ADGRB3: variants seen among roughly 807,000 people sequenced by gnomAD.
The protein encoded by ADGRB3 is adhesion G protein-coupled receptor B3, also known as brain-specific angiogenesis inhibitor 3.
In ADGRB3, 37 loss-of-function variants were observed where a neutral mutation model predicts 193.4. That is an observed-to-expected ratio of 0.19 (90% CI 0.15 to 0.25). The LOEUF (loss-of-function observed/expected upper bound fraction) is 0.25, where lower values mean the gene tolerates loss of function less well. Among genes scored for constraint, ADGRB3 ranks in the 10% least tolerant of loss-of-function variants. The pLI is 1.00. For synonymous variants in ADGRB3, 690 were observed against 644.2 expected, an observed-to-expected ratio of 1.07 and a Z score of -1.08; for missense variants, 1,637 against 1,852.9, an observed-to-expected ratio of 0.88 and a Z score of 2.14.
At chr6:69,029,611 C>G (rs888988078) in intron 13 of ADGRB3, among the ~76,000 whole-genome samples, 1 of 152,096 alleles carries the variant, frequency 6.6e-6, no homozygotes, top group South Asian at 2.1e-4. Flanking sequence ...GGAGGAAAAG[C>G]TGACTTCTGC....
At chr6:69,382,094 G>T (rs1247033331) in intron 30 of ADGRB3, among the ~76,000 whole-genome samples, 1 of 151,824 alleles carries the variant, frequency 6.6e-6, no homozygotes, top group Admixed American at 6.6e-5. Context: ...GTTGAGTTAT[G>T]GTGAAGTTGA....
At chr6:68,772,888 AAAAAAAATATATATATATAT>A (rs1313431847) in intron 3 of ADGRB3, among the ~76,000 whole-genome samples, 13 of 51,936 alleles carry the variant, frequency 2.5e-4, no homozygotes, top group African/African-American at 3.1e-4. Context: ...CAAACAAAAA[AAAAAAAATATATATATATAT>A]ATATATATAT....
intron 17 of ADGRB3, among the ~76,000 whole-genome samples, chr6:69,201,680 A>G (rs1354370351): frequency 1.3e-5 from 2 of 152,082 alleles, no homozygotes; most frequent in Non-Finnish European, 2.9e-5. Context: ...TGTCTGTTCC[A>G]GGATTATAAC....
At chr6:68,880,844 A>G (rs1225680246) in intron 3 of ADGRB3, among the ~76,000 whole-genome samples, 2 of 152,190 alleles carry the variant, frequency 1.3e-5, no homozygotes, top group East Asian at 3.9e-4. Context: ...GTCATTGTTG[A>G]TGTTTTTCTT....
chr6:68,873,974 A>ATTTATATTAG (rs1382073119), intron 3 of ADGRB3, among the ~76,000 whole-genome samples: 1 of 152,102 alleles, frequency 6.6e-6, no homozygotes, highest in African/African-American at 2.4e-5. Context: ...AAAGCTCTAA[A>ATTTATATTAG]TTTATATTAG....
Position 69,388,899 on chromosome 6 carries a change from A to C in ADGRB3, c.*8A>C, listed in dbSNP as rs763398980. 31 of 1,607,950 alleles carry C rather than the reference A, an allele frequency of 1.9e-5. No individual in the cohort carries two copies. The highest frequency in any genetic ancestry group is 4.0e-5 in the African/African-American group (3 of 74,628). ...TTTCAAACAGAAGTTTAAAAAAATC[A>C]AAATGGACTAAGGTAGAGACAAAAC... On this transcript the variant is annotated 3_prime_UTR_variant, in exon 32 of 32. Coordinates refer to ENST00000370598, the MANE Select transcript of ADGRB3 (RefSeq NM_001704.3).
intron 25 of ADGRB3, 144 bp from the exon 26 acceptor site, chr6:69,339,189 A>G (rs974144519): frequency 5.3e-6 from 6 of 1,140,202 alleles, no homozygotes; most frequent in Non-Finnish European, 7.5e-6. Context: ...AAAAAAAAAT[A>G]AGACTCTCAA....
At chr6:68,955,862 T>C (rs1768056813) in intron 6 of ADGRB3, among the ~76,000 whole-genome samples, 162 bp from the exon 7 acceptor site, 1 of 152,118 alleles carries the variant, frequency 6.6e-6, no homozygotes, top group Admixed American at 6.6e-5. Flanking sequence ...GTAATAATAT[T>C]TGGGGAGTTA....
intron 3 of ADGRB3, among the ~76,000 whole-genome samples, chr6:68,733,831 T>TACACAATA (rs1765822008): frequency 1.3e-5 from 2 of 151,812 alleles, no homozygotes; most frequent in African/African-American, 4.8e-5. Context: ...GTAATGTACG[T>TACACAATA]GTAAGAATGT....
chr6:69,179,522 T>C (rs936217096), intron 17 of ADGRB3, among the ~76,000 whole-genome samples: 2 of 152,256 alleles, frequency 1.3e-5, no homozygotes, highest in Non-Finnish European at 2.9e-5. Flanking sequence ...GGAGAGCTCA[T>C]GTGATCCTTT....
Position 69,233,294 on chromosome 6 carries a change from G to A in ADGRB3, c.2485G>A (p.Glu829Lys), listed in dbSNP as rs929926249. Residue 829 changes from glutamate (E) to lysine (K), a missense_variant, in exon 18 of 32, where the codon GAG becomes AAG. Glu to Lys is a moderately conservative substitution (Grantham distance 56). Around this residue, in one of 7 missense-constraint regions of ADGRB3, gnomAD observed 641 missense variants for 673.9 expected, o/e 0.95. Transcript: ENST00000370598. ...CCCCCTCACTCCCCTTTGCAGGAACGAGTCTTTGGGAACGTGGTCCACCCA... is the reference window on the plus strand; with the variant it reads ...CCCCCTCACTCCCCTTTGCAGGAACAAGTCTTTGGGAACGTGGTCCACCCA... ...CVLWDDSKTNESLGTWSTQGC... is the reference protein window; with the variant it reads ...CVLWDDSKTNKSLGTWSTQGC... 1.7e-5 allele frequency: 28 copies of A among 1,613,422 alleles called. No homozygotes were observed. Among genetic ancestry groups the A allele is most frequent in the Non-Finnish European group, 2.4e-5 (28 of 1,179,816 alleles).
At chr6:68,734,968 A>G (rs760147390) in intron 3 of ADGRB3, among the ~76,000 whole-genome samples, 1 of 152,034 alleles carries the variant, frequency 6.6e-6, no homozygotes, top group Non-Finnish European at 1.5e-5. Context: ...TGATAAAAAC[A>G]TAGAGATGAC....
chr6:68,724,432 A>T (rs532662121), intron 3 of ADGRB3, among the ~76,000 whole-genome samples: 2 of 151,848 alleles, frequency 1.3e-5, no homozygotes, highest in African/African-American at 2.4e-5. Flanking sequence ...CTAGGAAGAA[A>T]GTTCTAATTT....
intron 3 of ADGRB3, among the ~76,000 whole-genome samples, chr6:68,842,661 C>A (rs1239216001): frequency 6.6e-6 from 1 of 151,928 alleles, no homozygotes; most frequent in African/African-American, 2.4e-5. Context: ...CTCTCATACT[C>A]ATTCTGTGAT....
At chr6:69,327,940 A>G (rs754086260) in intron 22 of ADGRB3, 51 bp downstream of exon 22, 7 of 1,521,272 alleles carry the variant, frequency 4.6e-6, no homozygotes, top group East Asian at 4.6e-5. Context: ...CAAATCATCA[A>G]AGAGTCTTGG....
At chr6:68,975,411 C>T in intron 10 of ADGRB3, 71 bp downstream of exon 10, 1 of 1,168,920 alleles carries the variant, frequency 8.6e-7, no homozygotes, top group Non-Finnish European at 1.3e-6. Context: ...GAGAATTTAA[C>T]CTTCTGCTGT....
intron 3 of ADGRB3, among the ~76,000 whole-genome samples, chr6:68,712,380 T>C (rs545784981): frequency 6.6e-6 from 1 of 152,080 alleles, no homozygotes; most frequent in South Asian, 2.1e-4. Flanking sequence ...CTTTTTTGCA[T>C]TTTAATAGTT....
rs112470210 is a variant in ADGRB3, at chr6:68,773,014, T to G, written c.757+133582T>G. Among the ~76,000 whole-genome samples, 1,100 of 143,488 alleles carry G rather than the reference T, an allele frequency of 7.7e-3. 18 individuals are homozygous for G. Among genetic ancestry groups the G allele is most frequent in the African/African-American group, 0.027 (1,054 of 38,872 alleles). The allele number at this position is 143,488 out of a possible 152,430, so 94.1% of individuals were successfully genotyped here. The stretch of plus-strand genomic sequence containing the variant: ...GCCTTTAGTCCTAGCTACTTGGGAG[T>G]CTGAGGTGGGAGGATCACCTGAGCC... On this transcript the variant is annotated intron_variant, in intron 3 of 31. Coordinates refer to ENST00000370598, the MANE Select transcript of ADGRB3 (RefSeq NM_001704.3).
At chr6:69,291,879 T>C (rs1332906322) in intron 20 of ADGRB3, among the ~76,000 whole-genome samples, 1 of 152,194 alleles carries the variant, frequency 6.6e-6, no homozygotes, top group Non-Finnish European at 1.5e-5. Context: ...AGAAGGATTT[T>C]CTGACCTTGC....
Sources: gnomAD v4.1 joint callset for allele counts (sites outside exome capture counted in the v4.1 genomes callset) on GRCh38, gnomAD v4.1.1 for gene constraint, gnomAD v4.1.1 regional missense constraint, MANE v1.5 for transcripts, NCBI Gene and HGNC (gene_info 2026-07-23, HGNC 2026-07-21) for gene names.